FAM193A: variants seen among roughly 807,000 people sequenced by gnomAD.
FAM193A encodes protein FAM193A.
In FAM193A, 22 loss-of-function variants were observed where a neutral mutation model predicts 126.5. That is an observed-to-expected ratio of 0.17 (90% CI 0.12 to 0.25). The LOEUF is 0.25. Ranked by LOEUF, FAM193A falls within the 10% of genes least tolerant of loss-of-function variation. FAM193A has a pLI of 1.00. For missense variants in FAM193A, 1,675 were observed against 1,672.8 expected (o/e 1.00, Z -0.02); for synonymous variants, 761 against 646.8 (o/e 1.18, Z -2.68).
intron 13 of FAM193A, among the ~76,000 whole-genome samples, chr4:2,688,875 G>A (rs1716048416): frequency 6.6e-6 from 1 of 152,266 alleles, no homozygotes; most frequent in Admixed American, 6.5e-5. Flanking sequence ...CAGATGGCTA[G>A]TGGCTCAATA....
In FAM193A at chr4:2,658,392, T is replaced by C. The variant is rs539791742; in HGVS notation, c.1389+512T>C. On this transcript the variant is annotated intron_variant, in intron 8 of 20. Transcript: ENST00000637812. ...TCCTCATCTTCCTGGCGGTGCCTCCTCCAGGCAGGCTTGTGCTCCACCTTT... is the reference window on the plus strand; with the variant it reads ...TCCTCATCTTCCTGGCGGTGCCTCCCCCAGGCAGGCTTGTGCTCCACCTTT... Among the ~76,000 whole-genome samples, 3 of 152,220 alleles carry C rather than the reference T, an allele frequency of 2.0e-5. No homozygotes were observed. In the East Asian group the frequency reaches 5.8e-4, roughly 29 times the overall value.
intron 19 of FAM193A, among the ~76,000 whole-genome samples, chr4:2,714,647 A>G (rs1719349888): frequency 6.6e-6 from 1 of 152,128 alleles, no homozygotes; most frequent in African/African-American, 2.4e-5. Flanking sequence ...TCTGTGAACA[A>G]ACACACTTGA....
chr4:2,606,241 G>A lies in FAM193A; in HGVS notation c.501+9912G>A, dbSNP rs548088060. ...AATTTTTGTATTTTTGGTAGAGATG[G>A]GGGTTTCACCATCTTGGTCAGGCCG... is the stretch of plus-strand genomic sequence containing the variant. On this transcript the variant is annotated intron_variant, in intron 2 of 20. Transcript: ENST00000637812. 2.0e-5 allele frequency among the ~76,000 whole-genome samples: 3 copies of A among 151,644 alleles called. No homozygotes were observed. In the South Asian group the frequency reaches 6.3e-4, roughly 32 times the overall value.
intron 6 of FAM193A, among the ~76,000 whole-genome samples, chr4:2,641,369 G>A (rs1056066934): frequency 3.3e-5 from 5 of 151,862 alleles, no homozygotes; most frequent in South Asian, 2.1e-4. Flanking sequence ...CTTAAAATCC[G>A]TATATTAGGA....
At chr4:2,549,395 CTTTTTT>C (rs869161808) in intron 1 of FAM193A, among the ~76,000 whole-genome samples, 17 of 122,642 alleles carry the variant, frequency 1.4e-4, no homozygotes, top group Non-Finnish European at 1.0e-4. Context: ...TTCTTTTTTT[CTTTTTT>C]TTTTTTTTTT....
At chr4:2,638,679 G>A (rs551386214) in intron 5 of FAM193A, among the ~76,000 whole-genome samples, 136 of 152,300 alleles carry the variant, frequency 8.9e-4, no homozygotes, top group African/African-American at 2.7e-3. Context: ...AGTATCACTG[G>A]TGTGCTCTCT....
At chr4:2,566,654 T>C (rs113743127) in intron 1 of FAM193A, among the ~76,000 whole-genome samples, 3 of 151,968 alleles carry the variant, frequency 2.0e-5, no homozygotes, top group African/African-American at 7.2e-5. Flanking sequence ...CACCACTGCA[T>C]TCCAGCCTGG....
chr4:2,688,771 TCTC>T (rs954637040), intron 13 of FAM193A, among the ~76,000 whole-genome samples: 3 of 152,234 alleles, frequency 2.0e-5, no homozygotes, highest in African/African-American at 7.2e-5. Context: ...GTGCTCAGGA[TCTC>T]CTAAGGAGGT....
At chr4:2,573,667 A>G (rs1203788737) in intron 1 of FAM193A, among the ~76,000 whole-genome samples, 1 of 152,028 alleles carries the variant, frequency 6.6e-6, no homozygotes, top group African/African-American at 2.4e-5. Context: ...CGTTTGTTCC[A>G]GGAGTATCTG....
At chr4:2,716,482 G>A (rs566008921) in intron 20 of FAM193A, among the ~76,000 whole-genome samples, 1 of 152,320 alleles carries the variant, frequency 6.6e-6, no homozygotes, top group African/African-American at 2.4e-5. Context: ...ATTCTGGGAA[G>A]GGGCCGGCAT....
intron 1 of FAM193A, among the ~76,000 whole-genome samples, chr4:2,548,539 C>G (rs1737709185): frequency 6.6e-6 from 1 of 152,034 alleles, no homozygotes; most frequent in Admixed American, 6.6e-5. Flanking sequence ...TCACTGCAGC[C>G]TCCGCCTCCC....
Position 2,686,517 on chromosome 4 carries a change from C to T in FAM193A, c.2332-2989C>T, listed in dbSNP as rs1219234734. 4.6e-5 allele frequency among the ~76,000 whole-genome samples: 7 copies of T among 152,188 alleles called. No individual in the cohort carries two copies. The East Asian group carries it at 5.8e-4, about 13-fold the overall frequency. On this transcript the variant is annotated intron_variant, in intron 13 of 20. Coordinates refer to ENST00000637812, the MANE Select transcript of FAM193A (RefSeq NM_001366318.2). ...CAGATGCTAGGCAGAAAAGTAACAC[C>T]GAAGAGAGAAAATTTTAAATGAGCC...
chr4:2,728,056 T>C (rs1478088184), intron 20 of FAM193A, among the ~76,000 whole-genome samples: 1 of 152,000 alleles, frequency 6.6e-6, no homozygotes, highest in Non-Finnish European at 1.5e-5. Context: ...CTCAGCATCC[T>C]GGGTAGCTGG....
At chr4:2,636,805 C>A (rs979145369) in intron 5 of FAM193A, among the ~76,000 whole-genome samples, 5 of 152,136 alleles carry the variant, frequency 3.3e-5, no homozygotes, top group Non-Finnish European at 7.4e-5. Context: ...TTCTTTGAAG[C>A]AACATGTTAA....
intron 19 of FAM193A, among the ~76,000 whole-genome samples, chr4:2,710,424 T>C (rs1048084952): frequency 2.0e-5 from 3 of 152,010 alleles, no homozygotes; most frequent in African/African-American, 7.2e-5. Flanking sequence ...CCACCCGCCT[T>C]GGCCTCCCAA....
intron 1 of FAM193A, among the ~76,000 whole-genome samples, chr4:2,552,914 C>G (rs1441693530): frequency 7.2e-6 from 1 of 138,212 alleles, no homozygotes; most frequent in Non-Finnish European, 1.5e-5. Flanking sequence ...GTGGTGCAGT[C>G]TTGGCTCACT....
At chr4:2,580,436 A>G (rs1739854564) in intron 1 of FAM193A, among the ~76,000 whole-genome samples, 1 of 152,132 alleles carries the variant, frequency 6.6e-6, no homozygotes, top group East Asian at 1.9e-4. Flanking sequence ...CCTGTGACAC[A>G]TGTTTACCTG....
chr4:2,535,596 C>G (rs531066697), upstream of FAM193A, among the ~76,000 whole-genome samples: 1 of 152,244 alleles, frequency 6.6e-6, no homozygotes, highest in African/African-American at 2.4e-5. Context: ...GGTCTCAGGG[C>G]AGAGCTCTGC....
At chr4:2,709,050 A>T (rs975216655) in intron 19 of FAM193A, among the ~76,000 whole-genome samples, 1 of 152,152 alleles carries the variant, frequency 6.6e-6, no homozygotes, top group East Asian at 1.9e-4. Context: ...ACATTAAAAA[A>T]ATTTAATGTT....
Sources: allele counts gnomAD v4.1 joint callset (sites outside exome capture counted in the v4.1 genomes callset), GRCh38; gene constraint gnomAD v4.1.1; transcripts MANE v1.5; gene names NCBI Gene and HGNC (gene_info 2026-07-23, HGNC 2026-07-21).